The following GRID2 variants were observed in gnomAD, a reference collection of about 807,000 sequenced individuals.
GRID2 encodes the protein glutamate ionotropic receptor delta type subunit 2.
Under a neutral mutation model 114.8 loss-of-function variants are expected in GRID2, and 33 were observed. The observed-to-expected ratio is 0.29, with a 90% CI of 0.22 to 0.38. The LOEUF is 0.38. Ranked by LOEUF, GRID2 falls within the 10% of genes least tolerant of loss-of-function variation. The pLI is 1.00. For synonymous variants in GRID2, 505 were observed against 449.9 expected, an observed-to-expected ratio of 1.12 and a Z score of -1.55; for missense variants, 1,184 against 1,257.7, an observed-to-expected ratio of 0.94 and a Z score of 0.89.
intron 2 of GRID2, among the ~76,000 whole-genome samples, chr4:92,946,253 A>G (rs1017645332): frequency 6.6e-6 from 1 of 152,040 alleles, no homozygotes; most frequent in Admixed American, 6.6e-5. Context: ...ATATATACCT[A>G]TTCCCAAAAG....
chr4:92,650,654 G>T (rs921582981), intron 2 of GRID2, among the ~76,000 whole-genome samples: 2 of 151,812 alleles, frequency 1.3e-5, no homozygotes, highest in Non-Finnish European at 2.9e-5. Context: ...TGTGTCTCTT[G>T]GTGGAAGCAC....
intron 1 of GRID2, among the ~76,000 whole-genome samples, chr4:92,389,610 C>G (rs181072277): frequency 1.4e-4 from 21 of 152,158 alleles, no homozygotes; most frequent in Admixed American, 6.6e-5. Flanking sequence ...CTGGAATTTC[C>G]TTCCATCTAA....
intron 2 of GRID2, among the ~76,000 whole-genome samples, chr4:92,939,513 G>C (rs1217540624): frequency 6.8e-6 from 1 of 147,156 alleles, no homozygotes; most frequent in Non-Finnish European, 1.5e-5. Flanking sequence ...CATTCTGTAG[G>C]TTCCCTGTTC....
intron 8 of GRID2, among the ~76,000 whole-genome samples, chr4:93,270,449 C>A (rs1017246891): frequency 6.6e-6 from 1 of 151,994 alleles, no homozygotes; most frequent in Non-Finnish European, 1.5e-5. Context: ...CATAAGTCTG[C>A]CAAAGGTTAG....
chr4:92,759,634 C>A (rs974644825), intron 2 of GRID2, among the ~76,000 whole-genome samples: 1 of 151,762 alleles, frequency 6.6e-6, no homozygotes. Context: ...GATGGAGTTT[C>A]GCTTTTGTTG....
intron 1 of GRID2, among the ~76,000 whole-genome samples, chr4:92,490,393 A>G (rs1249737329): frequency 1.3e-5 from 2 of 152,126 alleles, no homozygotes; most frequent in Non-Finnish European, 2.9e-5. Flanking sequence ...TGTTCATTTT[A>G]TGAGCCCTTA....
At position 93,555,748 on chromosome 4, in the gene GRID2, G is replaced by A. The variant is rs552569436; in HGVS notation, c.2193+40337G>A. 6.7e-4 allele frequency among the ~76,000 whole-genome samples: 102 copies of A among 152,266 alleles called. 2 individuals are homozygous for A. In the South Asian group the frequency reaches 0.019, roughly 28 times the overall value. On this transcript the variant is annotated intron_variant, in intron 13 of 15. Coordinates refer to ENST00000282020, the MANE Select transcript of GRID2 (RefSeq NM_001510.4). Reference sequence around the variant, plus strand: ...CAACAGATCTCCCAGCACAGCGCTCGAGCTCTGCTAAGGGACAGACTTCCT... The same window carrying A: ...CAACAGATCTCCCAGCACAGCGCTCAAGCTCTGCTAAGGGACAGACTTCCT...
rs192736350 is a variant in GRID2 at position 92,847,808 on chromosome 4, C to T, written c.245-237187C>T. ...ACAGTTAAGTGGCAAACGAACAAAT[C>T]GTGTTCCATTTACTTTCTTTTTTAA... On this transcript the variant is annotated intron_variant, in intron 2 of 15. Coordinates refer to ENST00000282020, the MANE Select transcript of GRID2 (RefSeq NM_001510.4). 7.2e-5 allele frequency among the ~76,000 whole-genome samples: 11 copies of T among 151,840 alleles called. 1 individual carries two copies. The East Asian group carries it at 1.2e-3, about 16-fold the overall frequency.
At chr4:92,458,161 A>G (rs1721309756) in intron 1 of GRID2, among the ~76,000 whole-genome samples, 1 of 152,148 alleles carries the variant, frequency 6.6e-6, no homozygotes, top group Non-Finnish European at 1.5e-5. Context: ...AATGTTTTGT[A>G]CCTTAAATTT....
Position 93,412,240 on chromosome 4 carries a change from CA to C in GRID2, c.1348-10522del, listed in dbSNP as rs199518860. On this transcript the variant is annotated intron_variant, in intron 9 of 15. Coordinates refer to ENST00000282020, the MANE Select transcript of GRID2 (RefSeq NM_001510.4). ...CATAGTAAGACCCATCCCCCCCCCC[CA>C]AAAAAAAATACCAGGCATAACAGTG... 1.1e-3 allele frequency among the ~76,000 whole-genome samples: 156 copies of C among 145,604 alleles called. 2 individuals carry two copies. Among genetic ancestry groups the C allele is most frequent in the South Asian group, 9.7e-3 (44 of 4,558 alleles).
intron 14 of GRID2, among the ~76,000 whole-genome samples, chr4:93,657,605 T>C (rs1166950955): frequency 6.6e-6 from 1 of 151,934 alleles, no homozygotes; most frequent in East Asian, 1.9e-4. Context: ...GATTCATACC[T>C]GTGCACCAAA....
intron 2 of GRID2, among the ~76,000 whole-genome samples, chr4:92,764,798 A>C (rs1738182563): frequency 6.6e-6 from 1 of 152,214 alleles, no homozygotes; most frequent in East Asian, 1.9e-4. Context: ...ATATCTATTG[A>C]GTAAATAAAC....
At chr4:92,656,356 C>G (rs1327840585) in intron 2 of GRID2, among the ~76,000 whole-genome samples, 1 of 151,536 alleles carries the variant, frequency 6.6e-6, no homozygotes, top group Non-Finnish European at 1.5e-5. Flanking sequence ...AAGCTGCTAT[C>G]CATTGTTCTC....
chr4:93,079,721 TTATAA>T (rs999088345), intron 2 of GRID2, among the ~76,000 whole-genome samples: 1 of 152,080 alleles, frequency 6.6e-6, no homozygotes, highest in African/African-American at 2.4e-5. Context: ...ATAAGGTGAC[TTATAA>T]TATGTGCCAG....
intron 4 of GRID2, among the ~76,000 whole-genome samples, chr4:93,117,832 A>T (rs568611105): frequency 3.5e-4 from 53 of 152,302 alleles, no homozygotes; most frequent in African/African-American, 1.2e-3. Flanking sequence ...CACGAGTTCA[A>T]TGTTAAAGAA....
chr4:93,520,225 G>C (rs1293748960), intron 13 of GRID2, among the ~76,000 whole-genome samples: 1 of 152,122 alleles, frequency 6.6e-6, no homozygotes, highest in Non-Finnish European at 1.5e-5. Context: ...GGCATTAGAA[G>C]GTGTAATAGA....
At chr4:92,976,058 C>G (rs184100445) in intron 2 of GRID2, among the ~76,000 whole-genome samples, 290 of 151,846 alleles carry the variant, frequency 1.9e-3, no homozygotes, top group African/African-American at 5.5e-3. Context: ...TGAACATTAC[C>G]ATATATAAGC....
chr4:92,898,735 TA>T (rs1265972732), intron 2 of GRID2, among the ~76,000 whole-genome samples: 1 of 152,154 alleles, frequency 6.6e-6, no homozygotes, highest in Non-Finnish European at 1.5e-5. Context: ...ACAGATACTG[TA>T]AATTAGATCT....
At chr4:92,574,446 G>A (rs1425066236) in intron 1 of GRID2, among the ~76,000 whole-genome samples, 1 of 140,950 alleles carries the variant, frequency 7.1e-6, no homozygotes, top group Non-Finnish European at 1.5e-5. Flanking sequence ...GCTGGTAATG[G>A]TTTTTGCTTT....
Sources: allele counts gnomAD v4.1 joint callset (sites outside exome capture counted in the v4.1 genomes callset), GRCh38; gene constraint gnomAD v4.1.1; transcripts MANE v1.5; gene names NCBI Gene and HGNC (gene_info 2026-07-23, HGNC 2026-07-21).